Variants in SOX5 observed in about 807,000 individuals in gnomAD.
SOX5 encodes the protein SRY-box transcription factor 5, also known as transcription factor SOX-5.
Under a neutral mutation model 92.0 loss-of-function variants are expected in SOX5, and 9 were observed. That is an observed-to-expected ratio of 0.10 (90% CI 0.06 to 0.17). SOX5 has a LOEUF of 0.17. SOX5 is among the 10% of genes least tolerant of loss of function. The pLI is 1.00. For missense variants in SOX5, 642 were observed against 944.5 expected (o/e 0.68, Z 4.20); for synonymous variants, 344 against 336.3 (o/e 1.02, Z -0.25).
At chr12:24,495,004 A>G (rs780717058) in intron 1 of SOX5, among the ~76,000 whole-genome samples, 12 of 152,190 alleles carry the variant, frequency 7.9e-5, no homozygotes, top group African/African-American at 1.2e-4. Flanking sequence ...TAGCATGGCA[A>G]TTTGGAGTAC....
At chr12:23,693,810 A>G (rs967988788) in intron 6 of SOX5, among the ~76,000 whole-genome samples, 1 of 152,224 alleles carries the variant, frequency 6.6e-6, no homozygotes, top group Non-Finnish European at 1.5e-5. Flanking sequence ...CAATCATAAA[A>G]TTATAAACTA....
chr12:24,081,479 T>A (rs1569536559), intron 4 of SOX5, among the ~76,000 whole-genome samples: 1 of 152,004 alleles, frequency 6.6e-6, no homozygotes, highest in Non-Finnish European at 1.5e-5. Flanking sequence ...ATGGAGCTAC[T>A]GTTCTCTGGA....
chr12:23,536,203 A>G (rs1269001989), intron 14 of SOX5, among the ~76,000 whole-genome samples: 1 of 152,226 alleles, frequency 6.6e-6, no homozygotes, highest in African/African-American at 2.4e-5. Context: ...AAAACTTCAA[A>G]ATCATTTGCT....
chr12:24,255,680 C>T (rs995726993), intron 3 of SOX5, among the ~76,000 whole-genome samples: 16 of 152,088 alleles, frequency 1.1e-4, no homozygotes, highest in African/African-American at 3.1e-4. Context: ...AAAAAAAATG[C>T]TCTGTGATCT....
intron 13 of SOX5, among the ~76,000 whole-genome samples, chr12:23,540,272 C>T (rs1164115740): frequency 1.3e-5 from 2 of 151,086 alleles, no homozygotes; most frequent in African/African-American, 2.4e-5. Flanking sequence ...CGCTAAATGA[C>T]GAGTTAATGG....
intron 4 of SOX5, among the ~76,000 whole-genome samples, chr12:24,068,704 GTATATATATATATATATATA>G (rs1164844032): frequency 1.8e-3 from 135 of 74,312 alleles, no homozygotes; most frequent in East Asian, 1.1e-3. Context: ...GTGTGTGTGT[GTATATATATATATATATATA>G]TATATATATA....
At chr12:24,046,668 G>A (rs1316696444) in intron 4 of SOX5, among the ~76,000 whole-genome samples, 1 of 128,508 alleles carries the variant, frequency 7.8e-6, no homozygotes, top group Non-Finnish European at 1.7e-5. Flanking sequence ...GTTTTAAAAT[G>A]TGTCTTTTTT....
At chr12:23,778,753 A>G (rs1225958478) in intron 3 of SOX5, among the ~76,000 whole-genome samples, 1 of 152,170 alleles carries the variant, frequency 6.6e-6, no homozygotes, top group Non-Finnish European at 1.5e-5. Flanking sequence ...AGCTCTGGAT[A>G]CTTGAAGAGA....
chr12:23,935,116 G>T (rs1299994332), intron 1 of SOX5, among the ~76,000 whole-genome samples: 2 of 151,118 alleles, frequency 1.3e-5, no homozygotes, highest in Non-Finnish European at 3.0e-5. Flanking sequence ...AAAATCAGTG[G>T]CTGAAAAACA....
chr12:23,812,480 T>C (rs1169178297), intron 3 of SOX5, among the ~76,000 whole-genome samples: 2 of 152,044 alleles, frequency 1.3e-5, no homozygotes, highest in Non-Finnish European at 2.9e-5. Context: ...TTTTTTTTTT[T>C]CCGGAAAGAA....
At chr12:23,982,852 T>C (rs1445967408) in intron 4 of SOX5, among the ~76,000 whole-genome samples, 1 of 152,110 alleles carries the variant, frequency 6.6e-6, no homozygotes, top group Non-Finnish European at 1.5e-5. Flanking sequence ...TTGAATCCAG[T>C]ATATAGGTAG....
At chr12:24,174,652 C>A (rs1328203381) in intron 4 of SOX5, among the ~76,000 whole-genome samples, 2 of 151,984 alleles carry the variant, frequency 1.3e-5, no homozygotes, top group South Asian at 4.1e-4. Flanking sequence ...TGAAACCCCA[C>A]CTGTACTAAA....
intron 2 of SOX5, among the ~76,000 whole-genome samples, chr12:24,305,992 T>A (rs1334665169): frequency 6.6e-6 from 1 of 152,200 alleles, no homozygotes; most frequent in Non-Finnish European, 1.5e-5. Flanking sequence ...GAACTCTTCC[T>A]GCAAAGGGAT....
intron 3 of SOX5, among the ~76,000 whole-genome samples, chr12:23,844,891 A>G (rs78742753): frequency 0.01 from 1,564 of 152,348 alleles, 21 homozygotes; most frequent in African/African-American, 0.035. Flanking sequence ...ATAGGAGGAC[A>G]TGTAACAAAA....
chr12:23,639,727 C>G (rs2079787033), intron 8 of SOX5, among the ~76,000 whole-genome samples: 2 of 152,184 alleles, frequency 1.3e-5, no homozygotes, highest in South Asian at 4.1e-4. Flanking sequence ...CACAGTATGT[C>G]TCAGCTTTCA....
intron 3 of SOX5, among the ~76,000 whole-genome samples, chr12:24,231,957 T>A (rs1963485966): frequency 6.6e-6 from 1 of 152,220 alleles, no homozygotes; most frequent in Admixed American, 6.5e-5. Context: ...ATTCAGAAAC[T>A]AGGAATCTAC....
intron 1 of SOX5, among the ~76,000 whole-genome samples, chr12:24,511,957 CA>C (rs11408941): frequency 5.9e-4 from 77 of 131,224 alleles, no homozygotes; most frequent in Middle Eastern, 4.3e-3. Flanking sequence ...GACTCCATCT[CA>C]AAAAAAAAAA....
chr12:24,498,152 G>A (rs1365893770), intron 1 of SOX5, among the ~76,000 whole-genome samples: 2 of 151,810 alleles, frequency 1.3e-5, no homozygotes, highest in African/African-American at 4.8e-5. Flanking sequence ...AACCACCATA[G>A]CACATGTTTA....
chr12:23,801,007 G>A (rs1011340451), intron 3 of SOX5, among the ~76,000 whole-genome samples: 3 of 152,126 alleles, frequency 2.0e-5, no homozygotes, highest in African/African-American at 4.8e-5. Context: ...AACCTTGAGA[G>A]ATGCTTCTCA....
Sources: allele counts gnomAD v4.1 joint callset (sites outside exome capture counted in the v4.1 genomes callset), GRCh38; gene constraint gnomAD v4.1.1; transcripts MANE v1.5; gene names NCBI Gene and HGNC (gene_info 2026-07-23, HGNC 2026-07-21).